The following RAB27A variants were observed in gnomAD, a reference collection of about 807,000 sequenced individuals.
RAB27A encodes ras-related protein Rab-27A.
In RAB27A, 17 loss-of-function variants were observed where a neutral mutation model predicts 20.8. The ratio of observed to expected loss-of-function variants is 0.82; its 90% CI spans 0.56 to 1.23. RAB27A has a LOEUF of 1.23. Ranked by LOEUF, RAB27A falls within the 50% of genes most tolerant of loss-of-function variation. The pLI is 0.00. For synonymous variants in RAB27A, 85 were observed against 92.8 expected, an observed-to-expected ratio of 0.92 and a Z score of 0.48; for missense variants, 277 against 266.7, an observed-to-expected ratio of 1.04 and a Z score of -0.27.
chr15:55,308,964 C>G (rs2055009096), intron 2 of RAB27A, among the ~76,000 whole-genome samples: 1 of 152,194 alleles, frequency 6.6e-6, no homozygotes, highest in African/African-American at 2.4e-5. Flanking sequence ...AAGCTCGTCC[C>G]TCGGACCTGT....
Position 55,234,853 on chromosome 15 carries a change from GGTAAA to G in RAB27A, c.77_81del (p.Leu26ProfsTer6). 1 of 1,611,428 alleles carries G rather than the reference GGTAAA, an allele frequency of 6.2e-7. No homozygotes were observed. The highest frequency in any genetic ancestry group is 8.5e-7 in the Non-Finnish European group (1 of 1,178,052). ...GAGTTAAATTTACCATCTGTATATT[GGTAAA>G]GTACACTGGTCTTCCCTACACCAGA... is the stretch of plus-strand genomic sequence containing the variant. On this transcript the variant is annotated frameshift_variant, in exon 3 of 7. Transcript: ENST00000336787. LOFTEE classifies it high-confidence loss of function.
At chr15:55,304,075 G>T (rs1377682482) in intron 2 of RAB27A, among the ~76,000 whole-genome samples, 2 of 152,196 alleles carry the variant, frequency 1.3e-5, no homozygotes, top group African/African-American at 4.8e-5. Context: ...TGTCTGTGTA[G>T]AAAGAGGTAG....
chr15:55,209,800 A>G (rs1230365872), intron 6 of RAB27A, among the ~76,000 whole-genome samples: 1 of 141,778 alleles, frequency 7.1e-6, no homozygotes, highest in East Asian at 2.0e-4. Flanking sequence ...GTGTATGTAT[A>G]CATATATACA....
chr15:55,219,637 G>C (rs1202891959), intron 6 of RAB27A, among the ~76,000 whole-genome samples: 2 of 152,152 alleles, frequency 1.3e-5, no homozygotes, highest in African/African-American at 4.8e-5. Context: ...TTCCAAAAGA[G>C]GAATGTTGCC....
intron 6 of RAB27A, among the ~76,000 whole-genome samples, chr15:55,211,697 G>T (rs1895033232): frequency 6.6e-6 from 1 of 152,120 alleles, no homozygotes; most frequent in Non-Finnish European, 1.5e-5. Context: ...CAGGCCTGTG[G>T]CAAGAAGGCC....
chr15:55,302,364 G>C lies in RAB27A; in HGVS notation c.-112+11675C>G, dbSNP rs958735491. On this transcript the variant is annotated intron_variant, in intron 2 of 5. Coordinates refer to the RAB27A transcript ENST00000563262. ...GTGCCGGGATTGCAGACGGAGTCTCGTTCACTCAGTGCTCAATGGTGCCCA... is the reference window on the plus strand; with the variant it reads ...GTGCCGGGATTGCAGACGGAGTCTCCTTCACTCAGTGCTCAATGGTGCCCA... Among the ~76,000 whole-genome samples the C allele has an allele frequency of 3.2e-4, 49 of 152,020 alleles. No homozygotes were observed. In the South Asian group the frequency reaches 5.2e-3, roughly 16 times the overall value.
intron 2 of RAB27A, among the ~76,000 whole-genome samples, chr15:55,235,212 C>G (rs528119156): frequency 6.6e-6 from 1 of 152,068 alleles, no homozygotes; most frequent in African/African-American, 2.4e-5. Context: ...CTTTGGGAGG[C>G]CAAGGTGGGC....
intron 6 of RAB27A, among the ~76,000 whole-genome samples, chr15:55,219,967 A>C (rs1760838425): frequency 6.6e-6 from 1 of 152,194 alleles, no homozygotes; most frequent in African/African-American, 2.4e-5. Context: ...AACAACAAAA[A>C]AAAAAACATG....
intron 2 of RAB27A, among the ~76,000 whole-genome samples, chr15:55,261,602 T>C (rs1289957023): frequency 3.2e-4 from 45 of 142,222 alleles, no homozygotes; most frequent in Admixed American, 1.7e-3. Flanking sequence ...TTAGCTAGGC[T>C]TGGGGGCGTG....
At chr15:55,278,240 A>G (rs893716443) in intron 1 of RAB27A, among the ~76,000 whole-genome samples, 2 of 152,144 alleles carry the variant, frequency 1.3e-5, no homozygotes, top group Non-Finnish European at 2.9e-5. Flanking sequence ...ATAGTTCAAC[A>G]TTTCTGATTT....
rs1351114357 is a variant in RAB27A, at chr15:55,205,697, T to C, written c.476A>G (p.Tyr159Cys). The change falls in exon 7 of 7, where the codon TAC becomes TGC. Residue 159 changes from tyrosine to cysteine, a missense_variant. Coordinates refer to ENST00000336787, the MANE Select transcript of RAB27A (RefSeq NM_183235.3). The stretch of plus-strand genomic sequence containing the variant: ...CCCATTGGCAGCACTAGTTTCAAAG[T>C]AGGGGATTCTGGAAGACAGAGACAA... The part of the protein sequence containing the change: ...IALAEKYGIP[Y>C]FETSAANGTN... 1.4e-5 allele frequency: 22 copies of C among 1,613,380 alleles called. No individual in the cohort carries two copies. Among genetic ancestry groups the C allele is most frequent in the Non-Finnish European group, 1.8e-5 (21 of 1,179,390 alleles).
intron 2 of RAB27A, among the ~76,000 whole-genome samples, chr15:55,264,520 A>G (rs917348539): frequency 6.6e-6 from 1 of 152,248 alleles, no homozygotes; most frequent in African/African-American, 2.4e-5. Flanking sequence ...GAAATTATCA[A>G]AATTACGAAG....
Position 55,205,444 on chromosome 15 carries a change from A to G in RAB27A, c.*63T>C. 6.6e-7 allele frequency: 1 copy of G among 1,510,932 alleles called. No individual in the cohort carries two copies. Among genetic ancestry groups the G allele is most frequent in the Non-Finnish European group, 9.2e-7 (1 of 1,086,670 alleles). 93.6% of individuals were successfully genotyped at this position (1,510,932 alleles called of 1,614,324 possible). On this transcript the variant is annotated 3_prime_UTR_variant, in exon 7 of 7. Coordinates refer to ENST00000336787, the MANE Select transcript of RAB27A (RefSeq NM_183235.3). ...CCATTAATCTCTCACTGTGCCATGT[A>G]TCAATCATAGAGAAGATCCCAGGCA...
intron 6 of RAB27A, among the ~76,000 whole-genome samples, chr15:55,213,641 A>T (rs541261414): frequency 6.6e-6 from 1 of 152,296 alleles, no homozygotes; most frequent in Admixed American, 6.5e-5. Context: ...GATTAGCAGC[A>T]TCATTAGATT....
intron 6 of RAB27A, among the ~76,000 whole-genome samples, chr15:55,221,977 T>A (rs554630513): frequency 2.0e-5 from 3 of 152,302 alleles, no homozygotes; most frequent in African/African-American, 7.2e-5. Flanking sequence ...CCCCTTCCTG[T>A]CTGACTGTCC....
At chr15:55,249,624 C>A (rs1308542654) in intron 2 of RAB27A, among the ~76,000 whole-genome samples, 1 of 152,168 alleles carries the variant, frequency 6.6e-6, no homozygotes, top group Non-Finnish European at 1.5e-5. Flanking sequence ...TGAAAACAAT[C>A]TGTACACCCT....
chr15:55,222,424 C>T (rs1895613436), intron 6 of RAB27A, among the ~76,000 whole-genome samples: 1 of 152,190 alleles, frequency 6.6e-6, no homozygotes, highest in Non-Finnish European at 1.5e-5. Context: ...CAGACCACTG[C>T]AATCTATCAA....
At chr15:55,240,281 G>C (rs1040850056) in intron 2 of RAB27A, among the ~76,000 whole-genome samples, 2 of 152,052 alleles carry the variant, frequency 1.3e-5, no homozygotes, top group Non-Finnish European at 2.9e-5. Context: ...GACATTTGGG[G>C]CACCCAAACA....
chr15:55,315,201 T>G (rs1353962837), intron 1 of RAB27A, among the ~76,000 whole-genome samples: 13 of 152,160 alleles, frequency 8.5e-5, no homozygotes, highest in Admixed American at 8.5e-4. Context: ...GAAAACTGGC[T>G]AGCCATATGC....
Sources: gnomAD v4.1 joint callset for allele counts (sites outside exome capture counted in the v4.1 genomes callset) on GRCh38, gnomAD v4.1.1 for gene constraint, MANE v1.5 for transcripts, NCBI Gene and HGNC (gene_info 2026-07-23, HGNC 2026-07-21) for gene names.